SMCO4: variants seen among roughly 807,000 people sequenced by gnomAD.
The protein encoded by SMCO4 is single-pass membrane protein with coiled-coil domains 4.
Under a neutral mutation model 3.6 loss-of-function variants are expected in SMCO4, and 4 were observed. The observed-to-expected ratio is 1.11, with a 90% CI of 0.54 to 2.53. The LOEUF (loss-of-function observed/expected upper bound fraction) is 2.53, where lower values mean the gene tolerates loss of function less well. Ranked by LOEUF, SMCO4 falls within the 30% of genes most tolerant of loss-of-function variation. The pLI, the probability that SMCO4 is intolerant of heterozygous loss-of-function variation, is 0.02. For synonymous variants in SMCO4, 36 were observed against 35.3 expected (o/e 1.02, Z -0.07); for missense variants, 70 against 80.8 (o/e 0.87, Z 0.51).
intron 2 of SMCO4, among the ~76,000 whole-genome samples, chr11:93,480,395 A>G (rs1565370766): frequency 1.3e-5 from 2 of 152,164 alleles, no homozygotes; most frequent in East Asian, 3.9e-4. Flanking sequence ...CACAGTCTCC[A>G]GATGAACTCG....
chr11:93,536,618 C>T (rs557087011), intron 1 of SMCO4, among the ~76,000 whole-genome samples: 13 of 152,250 alleles, frequency 8.5e-5, no homozygotes, highest in Middle Eastern at 3.4e-3. Flanking sequence ...TTTCAGGACA[C>T]GGATCCAACT....
chr11:93,541,267 G>A (rs1048818313), intron 1 of SMCO4, among the ~76,000 whole-genome samples: 2 of 152,150 alleles, frequency 1.3e-5, no homozygotes. Context: ...GGACAGGAGC[G>A]GGGTGGAGGG....
intron 1 of SMCO4, among the ~76,000 whole-genome samples, chr11:93,539,020 G>A (rs2399673): frequency 0.58 from 88,133 of 152,056 alleles, 27,370 homozygotes; most frequent in East Asian, 0.9. Context: ...ATGGGCTTTG[G>A]AGTCCTACAG....
intron 1 of SMCO4, among the ~76,000 whole-genome samples, chr11:93,535,105 G>T (rs1949206560): frequency 6.6e-6 from 1 of 152,182 alleles, no homozygotes; most frequent in African/African-American, 2.4e-5. Flanking sequence ...AGCAGCACAG[G>T]ACAGACTGAT....
chr11:93,481,548 C>T (rs1222716011), intron 2 of SMCO4: 6 of 983,246 alleles, frequency 6.1e-6, no homozygotes, highest in Non-Finnish European at 7.2e-6. Context: ...CCCCAACGGC[C>T]CTGTGAGTCA....
chr11:93,505,385 T>A (rs1398937083), intron 1 of SMCO4, among the ~76,000 whole-genome samples: 3 of 152,252 alleles, frequency 2.0e-5, no homozygotes, highest in African/African-American at 7.2e-5. Flanking sequence ...ACTCTGTTTT[T>A]TTTCACTTGC....
intron 1 of SMCO4, among the ~76,000 whole-genome samples, chr11:93,511,052 T>C (rs1948952152): frequency 1.3e-5 from 2 of 151,862 alleles, no homozygotes; most frequent in African/African-American, 2.4e-5. Context: ...TGAACCAAGA[T>C]TATACCACTG....
chr11:93,487,411 GA>G (rs1360433965), intron 2 of SMCO4, among the ~76,000 whole-genome samples: 2 of 152,226 alleles, frequency 1.3e-5, no homozygotes, highest in Non-Finnish European at 2.9e-5. Flanking sequence ...CAGGGGTCAG[GA>G]AAGCTCTTGA....
At chr11:93,512,147 G>A (rs1004168951) in intron 1 of SMCO4, among the ~76,000 whole-genome samples, 1 of 152,094 alleles carries the variant, frequency 6.6e-6, no homozygotes, top group African/African-American at 2.4e-5. Context: ...ATTATACATG[G>A]TTTCACTTCA....
chr11:93,545,357 G>T (rs530477380), upstream of SMCO4, among the ~76,000 whole-genome samples: 131 of 152,226 alleles, frequency 8.6e-4, no homozygotes, highest in Middle Eastern at 6.8e-3. Context: ...GGAGGCCGAG[G>T]TGGGTGGATC....
chr11:93,481,365 T>C, intron 2 of SMCO4: 1 of 930,840 alleles, frequency 1.1e-6, no homozygotes, highest in Non-Finnish European at 1.3e-6. Flanking sequence ...CCCATACCCG[T>C]GGGCGGCCCA....
chr11:93,525,148 C>A (rs1405868411), intron 1 of SMCO4, among the ~76,000 whole-genome samples: 2 of 152,136 alleles, frequency 1.3e-5, no homozygotes, highest in African/African-American at 4.8e-5. Flanking sequence ...GGCCAGAACA[C>A]CTCCCAGGGC....
At chr11:93,541,290 T>A (rs757077921) in intron 1 of SMCO4, among the ~76,000 whole-genome samples, 2 of 152,184 alleles carry the variant, frequency 1.3e-5, no homozygotes, top group Non-Finnish European at 2.9e-5. Context: ...CACAGATGAT[T>A]GCCTGGAGCA....
At chr11:93,543,799 T>C (rs897718617), upstream of SMCO4, among the ~76,000 whole-genome samples, 5 of 152,256 alleles carry the variant, frequency 3.3e-5, no homozygotes, top group Non-Finnish European at 7.3e-5. Context: ...TCTGGAATAC[T>C]GAAGTGCGCA....
chr11:93,527,187 C>A (rs1046191792), intron 1 of SMCO4, among the ~76,000 whole-genome samples: 1 of 152,174 alleles, frequency 6.6e-6, no homozygotes, highest in Admixed American at 6.5e-5. Flanking sequence ...TAGCAAATGG[C>A]TTTCTACTGT....
intron 1 of SMCO4, among the ~76,000 whole-genome samples, chr11:93,516,159 A>G (rs1031324058): frequency 1.3e-5 from 2 of 152,220 alleles, no homozygotes; most frequent in African/African-American, 4.8e-5. Flanking sequence ...AAAATTAATT[A>G]TAATTAAAAT....
intron 2 of SMCO4, among the ~76,000 whole-genome samples, chr11:93,482,456 A>C (rs1390057914): frequency 6.6e-6 from 1 of 152,232 alleles, no homozygotes; most frequent in Non-Finnish European, 1.5e-5. Flanking sequence ...GAAGATCTGT[A>C]TTTGGAAGTC....
intron 1 of SMCO4, chr11:93,535,653 T>A: frequency 1.9e-6 from 3 of 1,603,518 alleles, no homozygotes; most frequent in Non-Finnish European, 2.6e-6. Flanking sequence ...GAGCTACCGA[T>A]GGGAAAAAGA....
At position 93,519,686 on chromosome 11, in the gene SMCO4, A is replaced by T. The variant is rs569760586; in HGVS notation, c.-153-20338T>A. Among the ~76,000 whole-genome samples the T allele has an allele frequency of 3.3e-4, 51 of 152,374 alleles. No homozygotes were observed. In the South Asian group the frequency reaches 0.01, roughly 30 times the overall value. ...AGGAAACAAAGCAAGAAGGTGGCTT[A>T]TTATGGATCCAGAAAAGCCATTCCT... On this transcript the variant is annotated intron_variant, in intron 1 of 2. Transcript: ENST00000298966.
Sources: gnomAD v4.1 joint callset for allele counts (sites outside exome capture counted in the v4.1 genomes callset) on GRCh38, gnomAD v4.1.1 for gene constraint, MANE v1.5 for transcripts, NCBI Gene and HGNC (gene_info 2026-07-23, HGNC 2026-07-21) for gene names.